The following SCHIP1 variants were observed in gnomAD, a reference collection of about 807,000 sequenced individuals.
SCHIP1 encodes the protein schwannomin interacting protein 1, also known as schwannomin-interacting protein 1.
Under a neutral mutation model 29.7 loss-of-function variants are expected in SCHIP1, and 8 were observed. The ratio of observed to expected loss-of-function variants is 0.27; its 90% CI spans 0.16 to 0.49. The LOEUF is 0.49. Ranked by LOEUF, SCHIP1 falls within the 20% of genes least tolerant of loss-of-function variation. The pLI is 0.99. For missense variants in SCHIP1, 193 were observed against 294.6 expected (o/e 0.66, Z 2.52); for synonymous variants, 76 against 94.9 (o/e 0.80, Z 1.16).
the SCHIP1 span, among the ~76,000 whole-genome samples, chr3:159,773,217 A>G: frequency 2.0e-5 from 3 of 152,200 alleles, no homozygotes; most frequent in Non-Finnish European, 4.4e-5. Context: ...GCACAAATGC[A>G]CTTTCTACTG....
At chr3:159,485,396 G>A in the SCHIP1 span, among the ~76,000 whole-genome samples, 5 of 152,132 alleles carry the variant, frequency 3.3e-5, no homozygotes, top group Admixed American at 6.5e-5. Flanking sequence ...AGCAAATGTC[G>A]ATGGGGAAAA....
the SCHIP1 span, among the ~76,000 whole-genome samples, chr3:159,589,759 C>T: frequency 1.1e-3 from 173 of 152,254 alleles, no homozygotes; most frequent in Non-Finnish European, 2.0e-3. Flanking sequence ...ACAAAAGGGA[C>T]TATACTGTGA....
the SCHIP1 span, among the ~76,000 whole-genome samples, chr3:159,655,867 T>C: frequency 2.6e-5 from 4 of 151,996 alleles, no homozygotes; most frequent in African/African-American, 9.7e-5. Flanking sequence ...CCAGCCTGGG[T>C]GGCAGAGTGA....
At chr3:159,727,957 T>G in the SCHIP1 span, among the ~76,000 whole-genome samples, 1 of 152,098 alleles carries the variant, frequency 6.6e-6, no homozygotes, top group Admixed American at 6.6e-5. Context: ...TTGTTTGTTT[T>G]TTGGTCACAG....
the SCHIP1 span, among the ~76,000 whole-genome samples, chr3:159,705,285 A>C: frequency 6.6e-6 from 1 of 152,022 alleles, no homozygotes; most frequent in South Asian, 2.1e-4. Flanking sequence ...ATTTTCAAAA[A>C]TTAATTTTGG....
chr3:159,543,193 GTTTT>G, the SCHIP1 span, among the ~76,000 whole-genome samples: 3 of 149,560 alleles, frequency 2.0e-5, no homozygotes. Context: ...TTTATTTTTT[GTTTT>G]GTTTTGTTTT....
At chr3:159,400,136 GAC>G in the SCHIP1 span, among the ~76,000 whole-genome samples, 4 of 152,190 alleles carry the variant, frequency 2.6e-5, no homozygotes, top group African/African-American at 9.7e-5. Flanking sequence ...AAAAGTCACA[GAC>G]ACTTTTCTGT....
chr3:159,379,736 C>T, the SCHIP1 span, among the ~76,000 whole-genome samples: 7 of 152,028 alleles, frequency 4.6e-5, no homozygotes, highest in African/African-American at 1.7e-4. Flanking sequence ...TTGATCTCAA[C>T]CACATGACAA....
At chr3:159,554,299 G>A in the SCHIP1 span, among the ~76,000 whole-genome samples, 2 of 152,128 alleles carry the variant, frequency 1.3e-5, no homozygotes, top group Non-Finnish European at 2.9e-5. Context: ...TACTCTGCCT[G>A]TCTCCCTAAT....
the SCHIP1 span, among the ~76,000 whole-genome samples, chr3:159,506,077 A>G: frequency 5.9e-5 from 9 of 152,158 alleles, no homozygotes; most frequent in African/African-American, 1.9e-4. Flanking sequence ...CTAGTGTACA[A>G]TCCCACCAAC....
the SCHIP1 span, among the ~76,000 whole-genome samples, chr3:159,709,013 C>T: frequency 1.3e-5 from 2 of 152,028 alleles, no homozygotes; most frequent in Non-Finnish European, 2.9e-5. Flanking sequence ...TCATGTGATC[C>T]TCAAAGGTCA....
the SCHIP1 span, among the ~76,000 whole-genome samples, chr3:159,460,518 C>G: frequency 6.6e-6 from 1 of 152,100 alleles, no homozygotes; most frequent in South Asian, 2.1e-4. Flanking sequence ...ATAATACACA[C>G]AAAGGAAGCA....
At chr3:159,442,750 T>C in the SCHIP1 span, among the ~76,000 whole-genome samples, 1 of 152,148 alleles carries the variant, frequency 6.6e-6, no homozygotes, top group African/African-American at 2.4e-5. Context: ...GCTACTGCTT[T>C]GGTCCAGGTG....
chr3:159,317,487 C>T, the SCHIP1 span, among the ~76,000 whole-genome samples: 5 of 152,140 alleles, frequency 3.3e-5, no homozygotes, highest in African/African-American at 4.8e-5. Context: ...TTCCCGGACC[C>T]GTGAATCCTG....
chr3:159,303,519 G>A, the SCHIP1 span, among the ~76,000 whole-genome samples: 1 of 151,568 alleles, frequency 6.6e-6, no homozygotes, highest in African/African-American at 2.4e-5. Flanking sequence ...AGGGAAGAAG[G>A]GAGGGAAGGA....
chr3:159,609,522 G>A, the SCHIP1 span, among the ~76,000 whole-genome samples: 4 of 152,134 alleles, frequency 2.6e-5, 1 homozygote, highest in South Asian at 6.2e-4. Flanking sequence ...AGTATTTCTC[G>A]TTGGCCTTCC....
At chr3:159,762,471 CCT>C in the SCHIP1 span, among the ~76,000 whole-genome samples, 1 of 152,192 alleles carries the variant, frequency 6.6e-6, no homozygotes, top group African/African-American at 2.4e-5. Context: ...CATGCATTCC[CCT>C]CTTCTTCCAT....
the SCHIP1 span, among the ~76,000 whole-genome samples, chr3:159,456,005 G>T: frequency 6.6e-6 from 1 of 152,168 alleles, no homozygotes; most frequent in Non-Finnish European, 1.5e-5. Context: ...ATCTGAGCCG[G>T]CTGAGCAGTA....
At chr3:159,356,077 C>T in the SCHIP1 span, among the ~76,000 whole-genome samples, 1 of 152,086 alleles carries the variant, frequency 6.6e-6, no homozygotes, top group Admixed American at 6.5e-5. Context: ...AATGGTTGAA[C>T]TAGTTTACAG....
Sources: gnomAD v4.1 joint callset for allele counts (sites outside exome capture counted in the v4.1 genomes callset) on GRCh38, gnomAD v4.1.1 for gene constraint, MANE v1.5 for transcripts, NCBI Gene and HGNC (gene_info 2026-07-23, HGNC 2026-07-21) for gene names.